PTPRN2: variants seen among roughly 807,000 people sequenced by gnomAD.
PTPRN2 encodes protein tyrosine phosphatase receptor type N2.
A neutral mutation model predicts 118.8 loss-of-function variants in PTPRN2; 74 were observed. That is an observed-to-expected ratio of 0.62 (90% confidence interval 0.52 to 0.76). The LOEUF is 0.76. Among genes scored for constraint, PTPRN2 ranks in the 30% least tolerant of loss-of-function variants. The pLI is 0.00. For synonymous variants in PTPRN2, 641 were observed against 608.0 expected (o/e 1.05, Z -0.80); for missense variants, 1,481 against 1,394.4 (o/e 1.06, Z -0.99).
intron 3 of PTPRN2, among the ~76,000 whole-genome samples, chr7:158,277,353 C>T (rs1421370692): frequency 2.0e-5 from 3 of 152,214 alleles, no homozygotes; most frequent in Non-Finnish European, 4.4e-5. Flanking sequence ...ACTCCACGGG[C>T]ACCAATGCTG....
At chr7:157,709,784 GGACAGA>G (rs1798510349) in intron 12 of PTPRN2, among the ~76,000 whole-genome samples, 2 of 152,176 alleles carry the variant, frequency 1.3e-5, no homozygotes, top group Non-Finnish European at 2.9e-5. Flanking sequence ...CGGATGGCTG[GGACAGA>G]GATTTACACA....
In PTPRN2 at chr7:157,539,331, T is replaced by C. The variant is rs1284685911; in HGVS notation, c.*1383A>G. 2.0e-5 allele frequency: 3 copies of C among 151,892 alleles called. No homozygotes were observed. Among genetic ancestry groups the C allele is most frequent in the African/African-American group, 7.3e-5 (3 of 41,128 alleles). 9.4% of individuals were successfully genotyped at this position (151,892 alleles called of 1,614,324 possible). ...TCCGCTCAGTAGGCCGTGTTCCCTC[T>C]GGTAGGGCCTTTGGAGAGTACCATC... is the stretch of plus-strand genomic sequence containing the variant. On this transcript the variant is annotated 3_prime_UTR_variant, in exon 23 of 23. Coordinates refer to ENST00000389418, the MANE Select transcript of PTPRN2 (RefSeq NM_002847.5).
intron 14 of PTPRN2, among the ~76,000 whole-genome samples, chr7:157,644,936 C>T (rs754761926): frequency 6.6e-6 from 1 of 152,272 alleles, no homozygotes; most frequent in African/African-American, 2.4e-5. Context: ...GCTCCTTTCT[C>T]ACCTGGTCAC....
At chr7:157,909,482 G>A (rs963282038) in intron 11 of PTPRN2, among the ~76,000 whole-genome samples, 8 of 152,248 alleles carry the variant, frequency 5.3e-5, no homozygotes, top group Admixed American at 2.6e-4. Flanking sequence ...CTACAGTCCA[G>A]GCCACAGACA....
At chr7:158,395,605 T>G (rs868493955) in intron 2 of PTPRN2, among the ~76,000 whole-genome samples, 2 of 13,864 alleles carry the variant, frequency 1.4e-4, no homozygotes, top group Admixed American at 1.0e-3. Context: ...GGGTGAGGGG[T>G]GAGGCGCGAG....
At chr7:158,489,843 G>C (rs1446772230) in intron 1 of PTPRN2, 58 bp from the exon 2 acceptor site, 15 of 1,486,900 alleles carry the variant, frequency 1.0e-5, no homozygotes, top group Non-Finnish European at 1.4e-5. Context: ...GGGTGCCCCC[G>C]AGGCTGCCTT....
At chr7:158,364,497 C>T (rs1355629185) in intron 2 of PTPRN2, among the ~76,000 whole-genome samples, 1 of 152,204 alleles carries the variant, frequency 6.6e-6, no homozygotes, top group Non-Finnish European at 1.5e-5. Flanking sequence ...GTTTATAAAT[C>T]AATTTTTTAA....
intron 11 of PTPRN2, among the ~76,000 whole-genome samples, chr7:157,931,804 C>T (rs1461380498): frequency 5.3e-5 from 8 of 152,136 alleles, no homozygotes; most frequent in East Asian, 3.9e-4. Context: ...CCGTGCAGGG[C>T]GGGGCAACAT....
chr7:158,321,765 C>T (rs570461816), intron 2 of PTPRN2, among the ~76,000 whole-genome samples: 1 of 145,744 alleles, frequency 6.9e-6, no homozygotes, highest in African/African-American at 2.5e-5. Flanking sequence ...TGGCTACTGT[C>T]ACCATCAAAA....
chr7:158,332,545 T>A (rs1344241012), intron 2 of PTPRN2, among the ~76,000 whole-genome samples: 5 of 151,326 alleles, frequency 3.3e-5, no homozygotes, highest in Non-Finnish European at 7.4e-5. Flanking sequence ...ACATCCATAC[T>A]CTCACCATAA....
chr7:157,833,126 G>C (rs12154451), intron 12 of PTPRN2, among the ~76,000 whole-genome samples: 9,084 of 150,788 alleles, frequency 0.06, 374 homozygotes, highest in East Asian at 0.21. Flanking sequence ...AGATGTGGCT[G>C]GTGCCCATCC....
intron 10 of PTPRN2, among the ~76,000 whole-genome samples, chr7:158,107,446 C>T (rs1255813370): frequency 6.6e-6 from 1 of 152,122 alleles, no homozygotes; most frequent in Non-Finnish European, 1.5e-5. Flanking sequence ...GAAACAGCTG[C>T]AGCCCCTGCC....
chr7:157,691,745 G>A lies in PTPRN2; in HGVS notation c.1789-8808C>T, dbSNP rs374163410. ...GCGAAAGGAGTGGAGCAGAATCACAGGCCACGCTCCCAGTCGTTCGAGCCT... is the reference window on the plus strand; with the variant it reads ...GCGAAAGGAGTGGAGCAGAATCACAAGCCACGCTCCCAGTCGTTCGAGCCT... On this transcript the variant is annotated intron_variant, in intron 12 of 22. Coordinates refer to ENST00000389418, the MANE Select transcript of PTPRN2 (RefSeq NM_002847.5). 3.0e-4 allele frequency among the ~76,000 whole-genome samples: 46 copies of A among 152,304 alleles called. No individual in the cohort carries two copies. In the East Asian group the frequency reaches 8.5e-3, roughly 28 times the overall value.
chr7:158,268,147 T>C (rs952458286), intron 3 of PTPRN2, among the ~76,000 whole-genome samples: 1 of 152,184 alleles, frequency 6.6e-6, no homozygotes, highest in Non-Finnish European at 1.5e-5. Flanking sequence ...CGCCAGCTAA[T>C]TAGAGAGCCC....
At position 157,576,738 on chromosome 7, in the gene PTPRN2, C is replaced by T. The variant is rs201623741; in HGVS notation, c.2658G>A (p.Leu886=). Residue 886 remains leucine, a synonymous_variant, in exon 19 of 23, where the codon CTG becomes CTA. Coordinates refer to ENST00000389418, the MANE Select transcript of PTPRN2 (RefSeq NM_002847.5). ...VSEHIWCEDF[L]VRSFYLKNLQ... The stretch of plus-strand genomic sequence containing the variant: ...GGTTCTTCAGATAGAAGCTCCTCAC[C>T]AGGAAGTCCTCACACCAGATGTGCT... The T allele has an allele frequency of 3.7e-6, 6 of 1,608,966 alleles. No individual in the cohort carries two copies. In the African/African-American group the frequency reaches 6.7e-5, roughly 18 times the overall value.
chr7:157,754,103 G>A (rs1489688401), intron 12 of PTPRN2, among the ~76,000 whole-genome samples: 1 of 152,244 alleles, frequency 6.6e-6, no homozygotes, highest in Non-Finnish European at 1.5e-5. Context: ...CTGCAACTCC[G>A]AGGAGTTGGG....
intron 22 of PTPRN2, among the ~76,000 whole-genome samples, chr7:157,547,782 T>C (rs1798396411): frequency 6.6e-6 from 1 of 151,986 alleles, no homozygotes; most frequent in Non-Finnish European, 1.5e-5. Context: ...GCCCTGACCA[T>C]GGGGGACGTG....
intron 14 of PTPRN2, among the ~76,000 whole-genome samples, chr7:157,636,480 C>T (rs771280692): frequency 6.6e-6 from 1 of 152,224 alleles, no homozygotes; most frequent in South Asian, 2.1e-4. Context: ...TCGATTAAAA[C>T]AAGTCTAATG....
At chr7:157,905,488 C>T (rs1251908091) in intron 11 of PTPRN2, among the ~76,000 whole-genome samples, 2 of 152,122 alleles carry the variant, frequency 1.3e-5, no homozygotes, top group Admixed American at 1.3e-4. Flanking sequence ...AAAAGAAGTC[C>T]TTTAAAATTA....
Sources: allele counts gnomAD v4.1 joint callset (sites outside exome capture counted in the v4.1 genomes callset), GRCh38; gene constraint gnomAD v4.1.1; transcripts MANE v1.5; gene names NCBI Gene and HGNC (gene_info 2026-07-23, HGNC 2026-07-21).